Variants in TIAM2 observed in about 807,000 individuals in gnomAD.
The protein encoded by TIAM2 is TIAM Rac1 associated GEF 2, also known as rho guanine nucleotide exchange factor TIAM2.
Under a neutral mutation model 152.9 loss-of-function variants are expected in TIAM2, and 80 were observed. The ratio of observed to expected loss-of-function variants is 0.52; its 90% CI spans 0.44 to 0.63. The LOEUF (loss-of-function observed/expected upper bound fraction) is 0.63. Ranked by LOEUF, TIAM2 falls within the 30% of genes least tolerant of loss-of-function variation. TIAM2 has a pLI of 0.00. For synonymous variants in TIAM2, 804 were observed against 838.0 expected, an observed-to-expected ratio of 0.96 and a Z score of 0.70; for missense variants, 1,965 against 2,120.1, an observed-to-expected ratio of 0.93 and a Z score of 1.44.
chr6:155,103,517 A>G (rs1778594040), intron 2 of TIAM2, among the ~76,000 whole-genome samples: 1 of 152,136 alleles, frequency 6.6e-6, no homozygotes, highest in African/African-American at 2.4e-5. Context: ...TGAGATCAGG[A>G]GTTCAAGACC....
intron 1 of TIAM2, among the ~76,000 whole-genome samples, chr6:155,032,645 A>G (rs9480022): frequency 0.18 from 27,404 of 152,012 alleles, 2,575 homozygotes; most frequent in Middle Eastern, 0.28. Flanking sequence ...GGTTCAAGCA[A>G]TTCTCCTGCT....
intron 1 of TIAM2, among the ~76,000 whole-genome samples, chr6:155,065,607 G>A (rs771770612): frequency 3.9e-5 from 6 of 152,064 alleles, no homozygotes; most frequent in South Asian, 4.2e-4. Context: ...GCAAAACCCC[G>A]TCTCTACTAA....
chr6:155,241,816 T>C (rs1783048121), intron 16 of TIAM2, among the ~76,000 whole-genome samples: 1 of 152,198 alleles, frequency 6.6e-6, no homozygotes, highest in South Asian at 2.1e-4. Context: ...AAGTTCTGAA[T>C]AATCCCATCT....
chr6:155,179,185 C>A, intron 11 of TIAM2, 42 bp downstream of exon 11: 2 of 1,545,916 alleles, frequency 1.3e-6, no homozygotes, highest in African/African-American at 1.4e-5. Flanking sequence ...TGAACCACAT[C>A]TATGGCCCTT....
chr6:155,074,680 A>G (rs1186230112), intron 1 of TIAM2, among the ~76,000 whole-genome samples: 6 of 152,206 alleles, frequency 3.9e-5, no homozygotes, highest in Middle Eastern at 3.4e-3. Flanking sequence ...ATGTTCTTCC[A>G]AATTATTATC....
chr6:155,082,210 G>A lies in TIAM2; in HGVS notation c.-208-8079G>A, dbSNP rs988444114. On this transcript the variant is annotated intron_variant, in intron 1 of 26. Transcript: ENST00000682666. ...AATAAAAAAATAGCCAGGTGTGGTG[G>A]TGCATACGTATAGTCTCAGCTACTC... Among the ~76,000 whole-genome samples, 3 of 152,194 alleles carry A rather than the reference G, an allele frequency of 2.0e-5. No homozygotes were observed. The East Asian group carries it at 5.8e-4, about 29-fold the overall frequency.
Position 155,214,919 on chromosome 6 carries a change from G to C in TIAM2, c.3168+3612G>C, listed in dbSNP as rs1403815076. The stretch of plus-strand genomic sequence containing the variant: ...GCCTCCTGAAGTACTGGAATTACAG[G>C]TGTGAGTCACTGTGCCTGGCCTGAC... On this transcript the variant is annotated intron_variant, in intron 15 of 26. Coordinates refer to ENST00000682666, the MANE Select transcript of TIAM2 (RefSeq NM_012454.4). This position sits in a 1 kb window ranked among gnomAD's most constrained non-coding sequence, Gnocchi z 5.4. Among the ~76,000 whole-genome samples the C allele has an allele frequency of 6.6e-6, 1 of 152,136 alleles. No individual in the cohort carries two copies. The highest frequency in any genetic ancestry group is 1.5e-5 in the Non-Finnish European group (1 of 68,030).
intron 2 of TIAM2, among the ~76,000 whole-genome samples, chr6:155,099,864 C>T (rs1778514791): frequency 6.6e-6 from 1 of 152,138 alleles, no homozygotes. Context: ...TACTACACAC[C>T]CAGGCTATAT....
At position 155,194,128 on chromosome 6, in the gene TIAM2, C is replaced by T. The variant is rs149223952; in HGVS notation, c.3064+10628C>T. Among the ~76,000 whole-genome samples the T allele has an allele frequency of 6.9e-3, 1,057 of 152,168 alleles. 4 individuals are homozygous for T. The highest frequency in any genetic ancestry group is 0.024 in the African/African-American group (1,006 of 41,496). ...CCAGGGAGGGTCTCACCTTTGTTAACCCCTAGGGAATGAGAAGGTAGATGA... is the reference window on the plus strand; with the variant it reads ...CCAGGGAGGGTCTCACCTTTGTTAATCCCTAGGGAATGAGAAGGTAGATGA... On this transcript the variant is annotated intron_variant, in intron 14 of 26. Coordinates refer to ENST00000682666, the MANE Select transcript of TIAM2 (RefSeq NM_012454.4).
At chr6:155,000,491 A>C (rs900362414) in intron 1 of TIAM2, among the ~76,000 whole-genome samples, 3 of 138,834 alleles carry the variant, frequency 2.2e-5, no homozygotes, top group Admixed American at 8.1e-5. Flanking sequence ...AGATTGCGCC[A>C]TTGCACTCCA....
chr6:155,003,537 A>G (rs1169766590), intron 1 of TIAM2, among the ~76,000 whole-genome samples: 1 of 152,192 alleles, frequency 6.6e-6, no homozygotes, highest in African/African-American at 2.4e-5. Context: ...CCCAGAGAAC[A>G]GAAAAGTCAG....
At chr6:155,044,768 C>T (rs1375024161) in intron 1 of TIAM2, among the ~76,000 whole-genome samples, 1 of 151,848 alleles carries the variant, frequency 6.6e-6, no homozygotes, top group African/African-American at 2.4e-5. Context: ...GCCGAGATTG[C>T]ACCACCGCAC....
chr6:155,092,246 C>T (rs940863935), intron 2 of TIAM2, among the ~76,000 whole-genome samples: 1 of 150,250 alleles, frequency 6.7e-6, no homozygotes, highest in African/African-American at 2.5e-5. Context: ...CATAGGCCCG[C>T]ACCACTGGGC....
Position 155,256,943 on chromosome 6 carries a change from A to G in TIAM2, c.4928A>G (p.Lys1643Arg). Residue 1643 changes from lysine (K) to arginine (R), a missense_variant, in exon 27 of 27, where the codon AAG (lysine) becomes AGG (arginine). Lys to Arg is a conservative substitution (Grantham distance 26). Transcript: ENST00000682666. ...CPIKRKANSTKRDRGTLLKAQ... is the reference protein window; with the variant it reads ...CPIKRKANSTRRDRGTLLKAQ... Reference sequence around the variant, plus strand: ...ATTAAACGAAAAGCCAACAGCACCAAGAGGGACAGAGGAACTTTGCTCAAG... The same window carrying G: ...ATTAAACGAAAAGCCAACAGCACCAGGAGGGACAGAGGAACTTTGCTCAAG... 1 of 1,614,166 alleles carries G rather than the reference A, an allele frequency of 6.2e-7. No homozygotes were observed. The highest frequency in any genetic ancestry group is 1.3e-5 in the African/African-American group (1 of 75,048).
chr6:155,062,452 C>A (rs940289378), intron 1 of TIAM2, among the ~76,000 whole-genome samples: 2 of 152,146 alleles, frequency 1.3e-5, no homozygotes, highest in African/African-American at 4.8e-5. Flanking sequence ...TTTGTATTCA[C>A]ATCTGTTGCT....
intron 1 of TIAM2, among the ~76,000 whole-genome samples, chr6:155,044,612 C>G (rs547686084): frequency 6.6e-6 from 1 of 152,040 alleles, no homozygotes; most frequent in Non-Finnish European, 1.5e-5. Flanking sequence ...GTCAGGAGTA[C>G]GAGACCAGCC....
At chr6:155,194,157 G>A (rs1781278986) in intron 14 of TIAM2, among the ~76,000 whole-genome samples, 2 of 152,180 alleles carry the variant, frequency 1.3e-5, no homozygotes. Context: ...TAGATGAGGG[G>A]GCATAGAGCG....
chr6:155,211,119 TTTC>T, intron 14 of TIAM2, 82 bp from the exon 15 acceptor site: 1 of 1,236,386 alleles, frequency 8.1e-7, no homozygotes, highest in Admixed American at 2.1e-5. Flanking sequence ...TCTTCTTTCC[TTTC>T]TCCATGTGAG....
At chr6:155,068,172 C>T (rs1777747608) in intron 1 of TIAM2, among the ~76,000 whole-genome samples, 1 of 152,156 alleles carries the variant, frequency 6.6e-6, no homozygotes, top group South Asian at 2.1e-4. Context: ...CAGCCTCTTG[C>T]CCTATTGCTG....
Sources: gnomAD v4.1 joint callset for allele counts (sites outside exome capture counted in the v4.1 genomes callset) on GRCh38, gnomAD v4.1.1 for gene constraint, Gnocchi (gnomAD v3.1) non-coding constraint, MANE v1.5 for transcripts, NCBI Gene and HGNC (gene_info 2026-07-23, HGNC 2026-07-21) for gene names.